Variants in LRMDA observed in about 807,000 individuals in gnomAD.
LRMDA encodes the protein leucine-rich melanocyte differentiation-associated protein.
In LRMDA, 18 loss-of-function variants were observed where a neutral mutation model predicts 29.8. That is an observed-to-expected ratio of 0.60 (90% CI 0.42 to 0.90). The LOEUF is 0.90. Ranked by LOEUF, LRMDA falls within the 40% of genes least tolerant of loss-of-function variation. The pLI is 0.00. For synonymous variants in LRMDA, 125 were observed against 109.4 expected (o/e 1.14, Z -0.89); for missense variants, 273 against 273.9 (o/e 1.00, Z 0.02).
intron 5 of LRMDA, among the ~76,000 whole-genome samples, chr10:76,310,486 T>C (rs1840616492): frequency 6.6e-6 from 1 of 151,558 alleles, no homozygotes; most frequent in Non-Finnish European, 1.5e-5. Context: ...AAAGAGGTAT[T>C]TTTTCCCTCC....
chr10:76,253,784 T>C (rs1255614821), intron 5 of LRMDA, among the ~76,000 whole-genome samples: 2 of 152,140 alleles, frequency 1.3e-5, no homozygotes, highest in African/African-American at 2.4e-5. Context: ...TCTATAAGAA[T>C]TTTTTTGTTG....
At chr10:75,510,219 A>G (rs1845211321) in intron 2 of LRMDA, among the ~76,000 whole-genome samples, 1 of 152,140 alleles carries the variant, frequency 6.6e-6, no homozygotes, top group African/African-American at 2.4e-5. Flanking sequence ...ATGACAGAAA[A>G]TAGGGGAGAG....
chr10:75,751,385 G>A (rs1410741445), intron 2 of LRMDA, among the ~76,000 whole-genome samples: 1 of 151,826 alleles, frequency 6.6e-6, no homozygotes, highest in African/African-American at 2.4e-5. Context: ...GAGAGGGAGG[G>A]AGAGGAATAT....
At chr10:75,767,493 T>C (rs1403557158) in intron 2 of LRMDA, among the ~76,000 whole-genome samples, 1 of 152,200 alleles carries the variant, frequency 6.6e-6, no homozygotes, top group Non-Finnish European at 1.5e-5. Context: ...TAATGCATCC[T>C]TGGAAGCTAA....
At chr10:75,526,099 T>C (rs1845410085) in intron 2 of LRMDA, among the ~76,000 whole-genome samples, 1 of 152,022 alleles carries the variant, frequency 6.6e-6, no homozygotes, top group Non-Finnish European at 1.5e-5. Context: ...GGGGTCTCAC[T>C]CTGTCACCCA....
chr10:76,299,603 C>CTT (rs34214231), intron 5 of LRMDA, among the ~76,000 whole-genome samples: 233 of 99,522 alleles, frequency 2.3e-3, no homozygotes, highest in African/African-American at 8.6e-3. Flanking sequence ...CCCTTCCTTT[C>CTT]TTTTTTTTTT....
intron 6 of LRMDA, among the ~76,000 whole-genome samples, chr10:76,456,913 T>C (rs1213402120): frequency 1.3e-5 from 2 of 152,214 alleles, no homozygotes; most frequent in Non-Finnish European, 1.5e-5. Context: ...ATTCTGACTG[T>C]TTTAATCCTT....
chr10:75,943,084 T>C (rs1443290521), intron 2 of LRMDA, among the ~76,000 whole-genome samples: 8 of 151,570 alleles, frequency 5.3e-5, no homozygotes, highest in Non-Finnish European at 8.8e-5. Context: ...GGTTCCAGGA[T>C]GGATGTTTCT....
intron 2 of LRMDA, among the ~76,000 whole-genome samples, chr10:75,860,845 G>A (rs115606738): frequency 0.011 from 1,651 of 152,218 alleles, 37 homozygotes; most frequent in African/African-American, 0.038. Flanking sequence ...GGAAGAACTC[G>A]GATTGAGTAG....
intron 6 of LRMDA, among the ~76,000 whole-genome samples, chr10:76,353,728 T>C (rs1355876941): frequency 2.0e-5 from 3 of 152,094 alleles, no homozygotes; most frequent in Admixed American, 2.0e-4. Flanking sequence ...GCTTTCCTGC[T>C]CCAGATGAAA....
chr10:76,333,501 G>C (rs1450255617), intron 6 of LRMDA, among the ~76,000 whole-genome samples: 1 of 152,168 alleles, frequency 6.6e-6, no homozygotes, highest in East Asian at 1.9e-4. Flanking sequence ...GTAACAGATG[G>C]GGAAGACAGC....
chr10:75,823,904 C>A (rs1844207781), intron 2 of LRMDA, among the ~76,000 whole-genome samples: 1 of 152,062 alleles, frequency 6.6e-6, no homozygotes, highest in South Asian at 2.1e-4. Context: ...AAATCAAAAA[C>A]CACATGGTCT....
intron 2 of LRMDA, among the ~76,000 whole-genome samples, chr10:75,767,411 T>C (rs1290058030): frequency 6.6e-6 from 1 of 152,238 alleles, no homozygotes; most frequent in African/African-American, 2.4e-5. Flanking sequence ...TGAGCTTTTT[T>C]TCATATGTTT....
At chr10:75,434,181 T>G (rs1257289735) in intron 1 of LRMDA, among the ~76,000 whole-genome samples, 1 of 152,212 alleles carries the variant, frequency 6.6e-6, no homozygotes, top group Admixed American at 6.5e-5. Flanking sequence ...CACTGAAATC[T>G]TGCGCCCAAG....
intron 2 of LRMDA, among the ~76,000 whole-genome samples, chr10:75,598,816 TAAAATC>T (rs1840839973): frequency 6.6e-6 from 1 of 152,130 alleles, no homozygotes; most frequent in Non-Finnish European, 1.5e-5. Context: ...TTCTGAAAAA[TAAAATC>T]AAATAGACAT....
In LRMDA at chr10:75,511,555, C is replaced by G. The variant is rs114757968; in HGVS notation, c.131+73061C>G. 8.1e-3 allele frequency among the ~76,000 whole-genome samples: 1,228 copies of G among 152,258 alleles called. 15 individuals are homozygous for G. Among genetic ancestry groups the G allele is most frequent in the African/African-American group, 0.028 (1,180 of 41,548 alleles). On this transcript the variant is annotated intron_variant, in intron 2 of 6. Coordinates refer to ENST00000611255, the MANE Select transcript of LRMDA (RefSeq NM_001305581.2). ...CCATGTGTCTCTTTGTAAATTGGCC[C>G]AGCTTGGGAAAGGCTTTGGCATTTC...
At chr10:75,698,071 G>A (rs74969372) in intron 2 of LRMDA, among the ~76,000 whole-genome samples, 2,740 of 152,246 alleles carry the variant, frequency 0.018, 96 homozygotes, top group East Asian at 0.13. Context: ...AATATAATTT[G>A]TATAAAGTCA....
At chr10:75,539,321 C>T (rs552581566) in intron 2 of LRMDA, among the ~76,000 whole-genome samples, 3 of 152,206 alleles carry the variant, frequency 2.0e-5, no homozygotes, top group East Asian at 1.9e-4. Flanking sequence ...ACACAGAGTA[C>T]GGGCTTTTGA....
At chr10:75,544,709 T>G (rs1307712839) in intron 2 of LRMDA, among the ~76,000 whole-genome samples, 1 of 152,142 alleles carries the variant, frequency 6.6e-6, no homozygotes, top group East Asian at 1.9e-4. Flanking sequence ...TTCTGCATGA[T>G]TTGAAATCTC....
Sources: gnomAD v4.1 joint callset for allele counts (sites outside exome capture counted in the v4.1 genomes callset) on GRCh38, gnomAD v4.1.1 for gene constraint, MANE v1.5 for transcripts, NCBI Gene and HGNC (gene_info 2026-07-23, HGNC 2026-07-21) for gene names.